The following RANBP2 variants were observed in gnomAD, a reference collection of about 807,000 sequenced individuals.
The protein encoded by RANBP2 is E3 SUMO-protein ligase RanBP2.
In RANBP2, 57 loss-of-function variants were observed where a neutral mutation model predicts 303.6. That is an observed-to-expected ratio of 0.19 (90% confidence interval 0.15 to 0.23). The LOEUF is 0.23. Ranked by LOEUF, RANBP2 falls within the 10% of genes least tolerant of loss-of-function variation. The pLI is 1.00. For synonymous variants in RANBP2, 1,167 were observed against 1,301.5 expected (o/e 0.90, Z 2.23); for missense variants, 3,138 against 3,780.8 (o/e 0.83, Z 4.46).
At chr2:109,113,783 G>A in the RANBP2 span, among the ~76,000 whole-genome samples, 1 of 152,044 alleles carries the variant, frequency 6.6e-6, no homozygotes, top group Non-Finnish European at 1.5e-5. Context: ...GTCATAGATA[G>A]CTCTTATTCT....
the RANBP2 span, among the ~76,000 whole-genome samples, chr2:109,009,748 G>T: frequency 2.6e-5 from 3 of 116,664 alleles, no homozygotes; most frequent in African/African-American, 1.1e-4. Context: ...ATCTCTCTAT[G>T]TTTACCCAGG....
chr2:109,702,780 G>C, the RANBP2 span, among the ~76,000 whole-genome samples: 1 of 149,020 alleles, frequency 6.7e-6, no homozygotes, highest in East Asian at 2.0e-4. Context: ...TCTCACAGCC[G>C]CATTCTTTGG....
chr2:109,449,346 A>C, the RANBP2 span: 3 of 1,606,570 alleles, frequency 1.9e-6, no homozygotes, highest in Non-Finnish European at 1.7e-6. Flanking sequence ...CATCCCCCTC[A>C]CATCAGCAGC....
At chr2:109,255,969 A>C in the RANBP2 span, among the ~76,000 whole-genome samples, 4 of 152,186 alleles carry the variant, frequency 2.6e-5, no homozygotes, top group Non-Finnish European at 5.9e-5. Flanking sequence ...AATAGGATGC[A>C]CCTGTCCCCT....
the RANBP2 span, among the ~76,000 whole-genome samples, chr2:109,406,572 T>C: frequency 2.6e-5 from 4 of 152,280 alleles, no homozygotes; most frequent in Non-Finnish European, 5.9e-5. Context: ...GTCTAGCCAC[T>C]ACTTGTTTTG....
At chr2:109,230,027 T>C in the RANBP2 span, among the ~76,000 whole-genome samples, 2 of 151,522 alleles carry the variant, frequency 1.3e-5, no homozygotes, top group African/African-American at 4.8e-5. Flanking sequence ...GGTTTCACCA[T>C]GTTAGCCAGG....
At chr2:109,101,519 C>T in the RANBP2 span, among the ~76,000 whole-genome samples, 1 of 152,224 alleles carries the variant, frequency 6.6e-6, no homozygotes, top group East Asian at 1.9e-4. Flanking sequence ...CAGAGCGAGA[C>T]TCTGTCTCAA....
intron 27 of RANBP2, 59 bp downstream of exon 27, chr2:108,782,460 C>A: frequency 6.2e-7 from 1 of 1,613,386 alleles, no homozygotes; most frequent in Non-Finnish European, 8.5e-7. Flanking sequence ...AAATCTATAA[C>A]AAACAAAACA....
chr2:109,106,926 G>C, the RANBP2 span, among the ~76,000 whole-genome samples: 1 of 148,970 alleles, frequency 6.7e-6, no homozygotes, highest in African/African-American at 2.5e-5. Flanking sequence ...AGTTTTGTGG[G>C]CCTTCTCCTT....
At chr2:108,847,379 G>A in the RANBP2 span, among the ~76,000 whole-genome samples, 13 of 152,136 alleles carry the variant, frequency 8.5e-5, no homozygotes, top group African/African-American at 2.7e-4. Flanking sequence ...TTGAGTAGTT[G>A]GCAGCAGAGA....
chr2:108,898,191 G>A, the RANBP2 span, among the ~76,000 whole-genome samples: 1 of 152,170 alleles, frequency 6.6e-6, no homozygotes, highest in African/African-American at 2.4e-5. Context: ...GCTGAGTGGG[G>A]AGCCTAGAAT....
chr2:108,811,970 A>T, the RANBP2 span, among the ~76,000 whole-genome samples: 9 of 152,208 alleles, frequency 5.9e-5, no homozygotes, highest in Non-Finnish European at 1.2e-4. Context: ...CTATGGCCAC[A>T]TAGTATTCTA....
chr2:109,177,552 G>GA, the RANBP2 span, among the ~76,000 whole-genome samples: 8 of 152,052 alleles, frequency 5.3e-5, no homozygotes, highest in Admixed American at 1.3e-4. Flanking sequence ...CCTGCTCTGG[G>GA]GGGGGGCACC....
the RANBP2 span, among the ~76,000 whole-genome samples, chr2:109,062,401 A>T: frequency 6.6e-6 from 1 of 152,088 alleles, no homozygotes; most frequent in South Asian, 2.1e-4. Context: ...CTTCAACCAG[A>T]CCGCATTGGA....
the RANBP2 span, among the ~76,000 whole-genome samples, chr2:109,594,285 C>T: frequency 0.048 from 7,339 of 151,980 alleles, 506 homozygotes; most frequent in African/African-American, 0.16. Flanking sequence ...AAAAAAATTG[C>T]AAATGGTGTC....
chr2:109,614,080 G>C, the RANBP2 span: 1 of 1,211,320 alleles, frequency 8.3e-7, no homozygotes, highest in African/African-American at 1.6e-5. Context: ...AGCTACCCTC[G>C]ACGCCTGAGG....
At chr2:109,596,494 G>T in the RANBP2 span, among the ~76,000 whole-genome samples, 1 of 152,184 alleles carries the variant, frequency 6.6e-6, no homozygotes, top group Non-Finnish European at 1.5e-5. Context: ...GCAGGCACCT[G>T]TAGTCCCAGC....
the RANBP2 span, among the ~76,000 whole-genome samples, chr2:108,935,990 C>T: frequency 6.6e-6 from 1 of 152,238 alleles, no homozygotes; most frequent in African/African-American, 2.4e-5. Context: ...CTCCAGAGCA[C>T]AGACAGTGCC....
At chr2:109,593,905 T>C in the RANBP2 span, among the ~76,000 whole-genome samples, 1 of 152,236 alleles carries the variant, frequency 6.6e-6, no homozygotes, top group South Asian at 2.1e-4. Flanking sequence ...TCCATATCAC[T>C]ATGCTAGCTC....
Sources: gnomAD v4.1 joint callset for allele counts (sites outside exome capture counted in the v4.1 genomes callset) on GRCh38, gnomAD v4.1.1 for gene constraint, MANE v1.5 for transcripts, NCBI Gene and HGNC (gene_info 2026-07-23, HGNC 2026-07-21) for gene names.